The following KAZN variants were observed in gnomAD, a reference collection of about 807,000 sequenced individuals.
The protein encoded by KAZN is kazrin.
A neutral mutation model predicts 87.4 loss-of-function variants in KAZN; 40 were observed. The ratio of observed to expected loss-of-function variants is 0.46; its 90% CI spans 0.36 to 0.60. KAZN has a LOEUF of 0.60. KAZN is among the 20% of genes least tolerant of loss of function. The pLI is 0.00. For synonymous variants in KAZN, 466 were observed against 458.3 expected (o/e 1.02, Z -0.22); for missense variants, 898 against 1,073.9 (o/e 0.84, Z 2.29).
chr1:15,034,792 C>A lies in KAZN; in HGVS notation c.462C>A (p.Asp154Glu), dbSNP rs1393178259. Residue 154 changes from aspartate (D) to glutamate (E), a missense_variant, in exon 3 of 15, where the codon GAC (aspartate) becomes GAA (glutamate). Asp to Glu is a conservative substitution (Grantham distance 45). This residue lies in a region of KAZN where 250 missense variants were observed against 263.0 expected (regional missense o/e 0.95). Coordinates refer to ENST00000376030, the MANE Select transcript of KAZN (RefSeq NM_201628.3). ...DRKRLKGEKT[D>E]LVSQMQQLYA... ...AGCGCTTAAAGGGCGAGAAGACAGA[C>A]CTGGTGAGCCAGATGCAGCAGCTGT... 5 of 1,614,168 alleles carry A rather than the reference C, an allele frequency of 3.1e-6. No homozygotes were observed. The South Asian group carries it at 3.3e-5, about 11-fold the overall frequency.
chr1:15,031,297 G>A (rs1302390782), intron 2 of KAZN, among the ~76,000 whole-genome samples: 2 of 152,174 alleles, frequency 1.3e-5, no homozygotes, highest in African/African-American at 2.4e-5. Context: ...GAGTTGCTTT[G>A]CCTCCCTAAC....
chr1:14,115,798 A>G (rs141079013), intron 1 of KAZN, among the ~76,000 whole-genome samples: 12,876 of 152,254 alleles, frequency 0.085, 1,050 homozygotes, highest in African/African-American at 0.21. Flanking sequence ...CTTGTTGAAT[A>G]GCTTTGCCCA....
At chr1:13,989,301 T>G (rs915442049) in intron 1 of KAZN, among the ~76,000 whole-genome samples, 1 of 151,946 alleles carries the variant, frequency 6.6e-6, no homozygotes, top group African/African-American at 2.4e-5. Context: ...CAAGCAGAGA[T>G]CAAGTTGGCA....
At chr1:14,600,588 C>T (rs1676877983) in intron 1 of KAZN, among the ~76,000 whole-genome samples, 1 of 145,396 alleles carries the variant, frequency 6.9e-6, no homozygotes, top group South Asian at 2.2e-4. Context: ...GTGCTTGCTG[C>T]AAGCTTGACA....
intron 2 of KAZN, among the ~76,000 whole-genome samples, chr1:14,530,059 C>G (rs1672125220): frequency 6.6e-6 from 1 of 152,182 alleles, no homozygotes. Context: ...ACCAGCTGCT[C>G]TCTGGAGCAC....
chr1:14,111,999 A>G (rs1557484448), intron 1 of KAZN, among the ~76,000 whole-genome samples: 2 of 151,940 alleles, frequency 1.3e-5, no homozygotes, highest in Non-Finnish European at 2.9e-5. Flanking sequence ...CGGCCTCCCA[A>G]AATGCTGTGA....
At chr1:14,432,447 C>T (rs1004648613) in intron 2 of KAZN, among the ~76,000 whole-genome samples, 22 of 152,200 alleles carry the variant, frequency 1.4e-4, no homozygotes, top group Admixed American at 8.5e-4. Context: ...AACACTGGCA[C>T]GGTTTCCCTT....
chr1:15,045,132 T>C (rs1673343331), intron 4 of KAZN, among the ~76,000 whole-genome samples: 1 of 152,178 alleles, frequency 6.6e-6, no homozygotes, highest in African/African-American at 2.4e-5. Context: ...TGCCTTTTAC[T>C]TGTTACTGGG....
At chr1:14,163,078 C>A (rs1459803653) in intron 1 of KAZN, among the ~76,000 whole-genome samples, 3 of 151,864 alleles carry the variant, frequency 2.0e-5, no homozygotes, top group Admixed American at 1.3e-4. Flanking sequence ...GGCTGCAAAT[C>A]TTATCTAGAT....
At chr1:14,713,580 GC>G (rs1268854794) in intron 1 of KAZN, among the ~76,000 whole-genome samples, 1 of 151,966 alleles carries the variant, frequency 6.6e-6, no homozygotes, top group Non-Finnish European at 1.5e-5. Flanking sequence ...CACGGTTGCT[GC>G]TAAACACTCT....
chr1:14,752,012 G>A lies in KAZN; in HGVS notation c.226+152789G>A, dbSNP rs147758817. Among the ~76,000 whole-genome samples the A allele has an allele frequency of 3.6e-3, 553 of 152,264 alleles. 4 individuals are homozygous for A. Among genetic ancestry groups the A allele is most frequent in the African/African-American group, 0.013 (533 of 41,554 alleles). On this transcript the variant is annotated intron_variant, in intron 1 of 14. Transcript: ENST00000376030. Reference sequence around the variant, plus strand: ...GGTGCCAGCGCTTGCTTCTGGTGAGGGCCTCGGGCTGCTTCCACTCATGGC... The same window carrying A: ...GGTGCCAGCGCTTGCTTCTGGTGAGAGCCTCGGGCTGCTTCCACTCATGGC...
chr1:14,523,944 GTGT>G (rs1026559470), intron 2 of KAZN, among the ~76,000 whole-genome samples: 3 of 152,202 alleles, frequency 2.0e-5, no homozygotes, highest in Non-Finnish European at 4.4e-5. Flanking sequence ...GGAGAGCGAG[GTGT>G]TGTTTTGAAA....
intron 1 of KAZN, among the ~76,000 whole-genome samples, chr1:14,660,541 C>CTTTT (rs1156503750): frequency 4.5e-4 from 34 of 76,034 alleles, no homozygotes; most frequent in Non-Finnish European, 5.2e-4. Context: ...CTCTCTCTCT[C>CTTTT]TTTTTTTTTT....
At chr1:14,263,078 A>T (rs72644442) in intron 2 of KAZN, among the ~76,000 whole-genome samples, 6,594 of 152,212 alleles carry the variant, frequency 0.043, 175 homozygotes, top group East Asian at 0.12. Context: ...GACTTTTACT[A>T]TGTTACTCTG....
chr1:14,338,209 C>T (rs1205942326), intron 2 of KAZN, among the ~76,000 whole-genome samples: 1 of 152,046 alleles, frequency 6.6e-6, no homozygotes, highest in Non-Finnish European at 1.5e-5. Context: ...CGCAATGGCT[C>T]ACACCTGTAA....
chr1:14,624,418 T>C (rs1288067448), intron 1 of KAZN, among the ~76,000 whole-genome samples: 1 of 140,514 alleles, frequency 7.1e-6, no homozygotes, highest in East Asian at 1.9e-4. Flanking sequence ...CGAGACTCCG[T>C]CTCAAGAAAA....
chr1:13,994,344 T>C (rs1047236647), intron 1 of KAZN, among the ~76,000 whole-genome samples: 1 of 152,204 alleles, frequency 6.6e-6, no homozygotes, highest in African/African-American at 2.4e-5. Flanking sequence ...AAGTAGAGAA[T>C]TGTTCACATT....
chr1:14,442,322 C>T (rs905055454), intron 2 of KAZN, among the ~76,000 whole-genome samples: 1 of 152,240 alleles, frequency 6.6e-6, no homozygotes, highest in African/African-American at 2.4e-5. Context: ...TAATTGGACA[C>T]AAATCACTAC....
intron 2 of KAZN, among the ~76,000 whole-genome samples, chr1:14,221,206 T>A (rs2100499678): frequency 6.6e-6 from 1 of 152,336 alleles, no homozygotes; most frequent in East Asian, 1.9e-4. Context: ...CCTTTGTGGA[T>A]GATTTTCAAT....
Sources: allele counts gnomAD v4.1 joint callset (sites outside exome capture counted in the v4.1 genomes callset), GRCh38; gene constraint gnomAD v4.1.1; regional missense constraint gnomAD v4.1.1; transcripts MANE v1.5; gene names NCBI Gene and HGNC (gene_info 2026-07-23, HGNC 2026-07-21).